MAGI2: variants seen among roughly 807,000 people sequenced by gnomAD.
MAGI2 encodes the protein membrane associated guanylate kinase, WW and PDZ domain containing 2.
In MAGI2, 35 loss-of-function variants were observed where a neutral mutation model predicts 133.3. The ratio of observed to expected loss-of-function variants is 0.26; its 90% CI spans 0.20 to 0.35. The LOEUF (loss-of-function observed/expected upper bound fraction) is 0.35. Ranked by LOEUF, MAGI2 falls within the 10% of genes least tolerant of loss-of-function variation. The pLI, the probability that MAGI2 is intolerant of heterozygous loss-of-function variation, is 1.00. For synonymous variants in MAGI2, 729 were observed against 710.6 expected (o/e 1.03, Z -0.41); for missense variants, 1,636 against 1,863.4 (o/e 0.88, Z 2.25).
intron 2 of MAGI2, among the ~76,000 whole-genome samples, chr7:78,937,258 C>A (rs1330626010): frequency 3.3e-5 from 5 of 151,762 alleles, no homozygotes; most frequent in Non-Finnish European, 7.4e-5. Flanking sequence ...GAGTTATAAA[C>A]CATTGAAAAA....
At chr7:79,144,320 A>G (rs751870460) in intron 1 of MAGI2, among the ~76,000 whole-genome samples, 1 of 152,178 alleles carries the variant, frequency 6.6e-6, no homozygotes, top group Non-Finnish European at 1.5e-5. Flanking sequence ...TGGTTGGAAG[A>G]GGGGCCTGGT....
At chr7:79,066,227 T>A (rs1013044529) in intron 1 of MAGI2, among the ~76,000 whole-genome samples, 2 of 152,174 alleles carry the variant, frequency 1.3e-5, no homozygotes, top group African/African-American at 4.8e-5. Flanking sequence ...CATCTATTGT[T>A]TCCTGACTTT....
At chr7:78,546,135 T>C (rs2150685691) in intron 3 of MAGI2, among the ~76,000 whole-genome samples, 1 of 152,356 alleles carries the variant, frequency 6.6e-6, no homozygotes, top group African/African-American at 2.4e-5. Context: ...TTTGAGTCCA[T>C]ATTTTAATAA....
intron 10 of MAGI2, among the ~76,000 whole-genome samples, chr7:78,239,045 C>T (rs1162718728): frequency 7.4e-6 from 1 of 134,638 alleles, no homozygotes; most frequent in Non-Finnish European, 1.7e-5. Context: ...CAATTCTATC[C>T]TGGATATCTC....
At chr7:78,459,264 G>A (rs1053812168) in intron 6 of MAGI2, among the ~76,000 whole-genome samples, 1 of 152,166 alleles carries the variant, frequency 6.6e-6, no homozygotes, top group Non-Finnish European at 1.5e-5. Flanking sequence ...ATAATCTGCA[G>A]TAGATAGAAC....
chr7:79,372,831 T>TA (rs1843132962), intron 1 of MAGI2, among the ~76,000 whole-genome samples: 2 of 152,070 alleles, frequency 1.3e-5, no homozygotes, highest in Admixed American at 1.3e-4. Context: ...CCACTCTCCC[T>TA]ATGAGCAGAT....
At chr7:78,162,253 C>T (rs149933477) in intron 15 of MAGI2, among the ~76,000 whole-genome samples, 5 of 151,728 alleles carry the variant, frequency 3.3e-5, no homozygotes, top group East Asian at 3.9e-4. Context: ...AGAAGAAGCG[C>T]GGTGGCTCAC....
intron 2 of MAGI2, among the ~76,000 whole-genome samples, chr7:78,888,770 A>C (rs1796480401): frequency 6.6e-6 from 1 of 152,188 alleles, no homozygotes; most frequent in Non-Finnish European, 1.5e-5. Flanking sequence ...AAAACCACAA[A>C]GATGGGGAAA....
chr7:78,625,690 C>A (rs138266960), intron 3 of MAGI2, among the ~76,000 whole-genome samples: 3 of 152,154 alleles, frequency 2.0e-5, no homozygotes, highest in African/African-American at 7.2e-5. Context: ...TACAGTCCTG[C>A]AAGCTCCATT....
At chr7:78,325,487 C>G (rs898402271) in intron 9 of MAGI2, among the ~76,000 whole-genome samples, 3 of 152,172 alleles carry the variant, frequency 2.0e-5, no homozygotes, top group African/African-American at 7.2e-5. Context: ...CCTAGTTGCT[C>G]CAGCTTGAAA....
chr7:78,624,871 G>C (rs1201243284), intron 3 of MAGI2, among the ~76,000 whole-genome samples: 1 of 152,116 alleles, frequency 6.6e-6, no homozygotes, highest in African/African-American at 2.4e-5. Context: ...GATAATTACT[G>C]TATTTTACTT....
At chr7:79,140,579 A>AC (rs1358053290) in intron 1 of MAGI2, among the ~76,000 whole-genome samples, 3 of 152,314 alleles carry the variant, frequency 2.0e-5, no homozygotes, top group East Asian at 3.9e-4. Flanking sequence ...AGTAAATCTG[A>AC]CCCCACGATT....
chr7:79,006,054 G>T lies in MAGI2; in HGVS notation c.418+1036C>A, dbSNP rs559792328. ...CCTAAAAGGTGGGTAGGTCAATAGGGCTGGGTGATAACCTTTCCATCTTGA... is the reference window on the plus strand; with the variant it reads ...CCTAAAAGGTGGGTAGGTCAATAGGTCTGGGTGATAACCTTTCCATCTTGA... On this transcript the variant is annotated intron_variant, in intron 2 of 21. Coordinates refer to ENST00000354212, the MANE Select transcript of MAGI2 (RefSeq NM_012301.4). Among the ~76,000 whole-genome samples the T allele has an allele frequency of 3.9e-5, 6 of 152,236 alleles. No individual in the cohort carries two copies. In the South Asian group the frequency reaches 1.2e-3, roughly 32 times the overall value.
chr7:78,977,102 A>G (rs984142730), intron 2 of MAGI2, among the ~76,000 whole-genome samples: 2 of 151,728 alleles, frequency 1.3e-5, no homozygotes, highest in African/African-American at 2.4e-5. Flanking sequence ...TCTAAAATTT[A>G]TTTGGAAAGG....
chr7:78,431,414 C>T (rs951966063), intron 6 of MAGI2, among the ~76,000 whole-genome samples: 6 of 152,032 alleles, frequency 3.9e-5, no homozygotes, highest in Non-Finnish European at 8.8e-5. Context: ...TATGATTATC[C>T]TATGGAAGCA....
At chr7:78,805,424 G>A (rs1362208834) in intron 2 of MAGI2, among the ~76,000 whole-genome samples, 1 of 152,100 alleles carries the variant, frequency 6.6e-6, no homozygotes, top group Non-Finnish European at 1.5e-5. Context: ...AGGTAGGAGA[G>A]AAGGGAAAGT....
At chr7:78,828,801 A>C (rs1790887148) in intron 2 of MAGI2, among the ~76,000 whole-genome samples, 1 of 152,200 alleles carries the variant, frequency 6.6e-6, no homozygotes, top group Admixed American at 6.5e-5. Flanking sequence ...ATTCTAAAAT[A>C]AAAGATTTAT....
At chr7:78,742,080 A>T (rs962966972) in intron 2 of MAGI2, among the ~76,000 whole-genome samples, 1 of 152,032 alleles carries the variant, frequency 6.6e-6, no homozygotes, top group Non-Finnish European at 1.5e-5. Flanking sequence ...AGAACCGTAC[A>T]TGTAGAAAAT....
chr7:79,053,426 C>T (rs1379664013), intron 1 of MAGI2, among the ~76,000 whole-genome samples: 3 of 151,972 alleles, frequency 2.0e-5, no homozygotes, highest in Non-Finnish European at 2.9e-5. Flanking sequence ...AATACTCAAC[C>T]AAATTCTTCA....
Sources: gnomAD v4.1 joint callset for allele counts (sites outside exome capture counted in the v4.1 genomes callset) on GRCh38, gnomAD v4.1.1 for gene constraint, MANE v1.5 for transcripts, NCBI Gene and HGNC (gene_info 2026-07-23, HGNC 2026-07-21) for gene names.